PLEKHH2: variants seen among roughly 807,000 people sequenced by gnomAD.
The protein encoded by PLEKHH2 is pleckstrin homology domain-containing family H member 2.
Under a neutral mutation model 187.9 loss-of-function variants are expected in PLEKHH2, and 129 were observed. That is an observed-to-expected ratio of 0.69 (90% confidence interval 0.59 to 0.79). The LOEUF (loss-of-function observed/expected upper bound fraction) is 0.79. Among genes scored for constraint, PLEKHH2 ranks in the 30% least tolerant of loss-of-function variants. The pLI is 0.00. For missense variants in PLEKHH2, 2,076 were observed against 1,751.2 expected (o/e 1.19, Z -3.31); for synonymous variants, 686 against 605.6 (o/e 1.13, Z -1.95).
chr2:43,753,538 T>C lies in PLEKHH2; in HGVS notation c.3654-81T>C, dbSNP rs17031395. 1,817 of 1,184,610 alleles carry C rather than the reference T, an allele frequency of 1.5e-3. 23 individuals carry two copies. The African/African-American group carries it at 0.026, about 17-fold the overall frequency. The allele number at this position is 1,184,610 out of a possible 1,614,324, so 73.4% of individuals were successfully genotyped here. ...AGAGTACTGTGTTAAAACAACCCCA[T>C]CTCAGTCCTCTGGATTTATCTTTAC... On this transcript the variant is annotated intron_variant, in intron 24 of 29. Transcript: ENST00000282406.
intron 2 of PLEKHH2, among the ~76,000 whole-genome samples, chr2:43,671,791 A>G (rs1014886587): frequency 6.6e-6 from 1 of 152,202 alleles, no homozygotes; most frequent in Admixed American, 6.5e-5. Context: ...TTGCATTCCT[A>G]GGATAAACCC....
At chr2:43,650,692 C>T (rs1035590111) in intron 2 of PLEKHH2, among the ~76,000 whole-genome samples, 9 of 151,214 alleles carry the variant, frequency 6.0e-5, no homozygotes, top group Admixed American at 2.0e-4. Flanking sequence ...GCTGCCCAAG[C>T]TGGAGTGCAG....
chr2:43,727,243 T>C (rs1670797239), intron 17 of PLEKHH2, among the ~76,000 whole-genome samples: 1 of 151,806 alleles, frequency 6.6e-6, no homozygotes, highest in Non-Finnish European at 1.5e-5. Flanking sequence ...TGAAACTCTG[T>C]CTCTACTAAA....
At chr2:43,764,495 G>A in intron 29 of PLEKHH2, 130 bp downstream of exon 29, 1 of 907,414 alleles carries the variant, frequency 1.1e-6, no homozygotes. Context: ...CATTCCAGAT[G>A]GGAAAACAGA....
chr2:43,719,070 T>C (rs1309226398), intron 15 of PLEKHH2, among the ~76,000 whole-genome samples: 2 of 152,218 alleles, frequency 1.3e-5, no homozygotes, highest in Non-Finnish European at 2.9e-5. Context: ...ATTTTCTCAT[T>C]TGGTTCTCAC....
At position 43,731,575 on chromosome 2, in the gene PLEKHH2, G is replaced by T; in HGVS notation, c.2916G>T (p.Leu972=). The T allele has an allele frequency of 1.3e-6, 2 of 1,578,508 alleles. No homozygotes were observed. Among genetic ancestry groups the T allele is most frequent in the Non-Finnish European group, 1.7e-6 (2 of 1,151,344 alleles). Reference sequence around the variant, plus strand: ...TGACAACTCTACCTTCCGAAGCCCTGCAGACAGAAGCTATTAAATTATTTA... The same window carrying T: ...TGACAACTCTACCTTCCGAAGCCCTTCAGACAGAAGCTATTAAATTATTTA... ...SPLTTLPSEA[L]QTEAIKLFKT... is the part of the protein sequence containing the mutation. Residue 972 remains leucine (L), a synonymous_variant, in exon 19 of 30, where the codon CTG becomes CTT. Coordinates refer to ENST00000282406, the MANE Select transcript of PLEKHH2 (RefSeq NM_172069.4).
intron 2 of PLEKHH2, among the ~76,000 whole-genome samples, chr2:43,652,984 A>C (rs6712287): frequency 0.014 from 2,189 of 152,304 alleles, 52 homozygotes; most frequent in African/African-American, 0.051. Flanking sequence ...CAGGGTTGAA[A>C]TATAAACTAA....
intron 15 of PLEKHH2, 150 bp from the exon 16 acceptor site, chr2:43,720,519 A>C (rs1670431459): frequency 1.6e-6 from 2 of 1,261,278 alleles, no homozygotes; most frequent in Non-Finnish European, 1.1e-6. Context: ...TGACAGGTAC[A>C]TCTTAAACAG....
In PLEKHH2 at chr2:43,726,309, T is replaced by C; in HGVS notation, c.2579T>C (p.Val860Ala). Residue 860 changes from valine to alanine, a missense_variant, in exon 17 of 30, where the codon GTG becomes GCG. Val to Ala is a moderately conservative substitution (Grantham distance 64, BLOSUM62 0). Transcript: ENST00000282406. Reference protein sequence around the residue: ...LGQIKLWEAKVEEVDRSCDSD... With the variant: ...LGQIKLWEAKAEEVDRSCDSD... ...CAGATCAAACTCTGGGAGGCTAAAG[T>C]GGAAGAGGTTGACAGATCTTGTGAT... 6.2e-7 allele frequency: 1 copy of C among 1,612,514 alleles called. No individual in the cohort carries two copies. The highest frequency in any genetic ancestry group is 8.5e-7 in the Non-Finnish European group (1 of 1,178,568).
chr2:43,727,536 G>C (rs1419593307), intron 17 of PLEKHH2, among the ~76,000 whole-genome samples: 1 of 151,312 alleles, frequency 6.6e-6, no homozygotes, highest in Non-Finnish European at 1.5e-5. Context: ...TGACTAAAAA[G>C]ATAATACAGA....
At chr2:43,760,536 T>C (rs1425802892) in intron 27 of PLEKHH2, among the ~76,000 whole-genome samples, 9 of 152,008 alleles carry the variant, frequency 5.9e-5, no homozygotes, top group Non-Finnish European at 1.3e-4. Context: ...CTAATTTTTA[T>C]ATTTTTGGTA....
chr2:43,726,494 ATAT>A (rs1670753731), intron 17 of PLEKHH2, 43 bp downstream of exon 17: 1 of 1,485,042 alleles, frequency 6.7e-7, no homozygotes. Context: ...ATGTAGACTA[ATAT>A]TATTCAGATA....
At chr2:43,720,432 G>C (rs1024228221) in intron 15 of PLEKHH2, among the ~76,000 whole-genome samples, 4 of 152,078 alleles carry the variant, frequency 2.6e-5, no homozygotes, top group African/African-American at 9.7e-5. Flanking sequence ...TTTTAACCCA[G>C]CCACCCCGGT....
chr2:43,655,708 T>C (rs1666720562), intron 2 of PLEKHH2, among the ~76,000 whole-genome samples: 1 of 152,180 alleles, frequency 6.6e-6, no homozygotes, highest in Non-Finnish European at 1.5e-5. Flanking sequence ...TGTGTGGGGA[T>C]GGGTTGGAAA....
At chr2:43,689,895 T>C (rs1668709546) in intron 3 of PLEKHH2, among the ~76,000 whole-genome samples, 1 of 152,218 alleles carries the variant, frequency 6.6e-6, no homozygotes, top group South Asian at 2.1e-4. Context: ...TCTATAGACC[T>C]TTCCTAAGCA....
chr2:43,649,637 T>C (rs1256915714), intron 2 of PLEKHH2, among the ~76,000 whole-genome samples: 1 of 152,258 alleles, frequency 6.6e-6, no homozygotes, highest in African/African-American at 2.4e-5. Context: ...GCTTGCCTAA[T>C]GTTTCACAGT....
intron 26 of PLEKHH2, among the ~76,000 whole-genome samples, chr2:43,758,404 C>T (rs1672298526): frequency 6.6e-6 from 1 of 152,154 alleles, no homozygotes; most frequent in Admixed American, 6.6e-5. Flanking sequence ...AGGCACCCGC[C>T]ATCATGCCTG....
intron 26 of PLEKHH2, among the ~76,000 whole-genome samples, chr2:43,758,247 T>C (rs1434007083): frequency 6.6e-6 from 1 of 152,188 alleles, no homozygotes; most frequent in Non-Finnish European, 1.5e-5. Flanking sequence ...CTTTGGGCTC[T>C]ACTACTTGTT....
intron 2 of PLEKHH2, among the ~76,000 whole-genome samples, chr2:43,656,084 G>A (rs972525881): frequency 1.1e-4 from 16 of 151,784 alleles, no homozygotes; most frequent in Non-Finnish European, 2.2e-4. Context: ...TCAGCCTCCC[G>A]AGTAGCTGGG....
Sources: allele counts gnomAD v4.1 joint callset (sites outside exome capture counted in the v4.1 genomes callset), GRCh38; gene constraint gnomAD v4.1.1; transcripts MANE v1.5; gene names NCBI Gene and HGNC (gene_info 2026-07-23, HGNC 2026-07-21).